DOCK3: variants seen among roughly 807,000 people sequenced by gnomAD.
The protein encoded by DOCK3 is dedicator of cytokinesis protein 3.
Under a neutral mutation model 265.6 loss-of-function variants are expected in DOCK3, and 60 were observed. That is an observed-to-expected ratio of 0.23 (90% CI 0.18 to 0.28). DOCK3 has a LOEUF of 0.28. Ranked by LOEUF, DOCK3 falls within the 10% of genes least tolerant of loss-of-function variation. DOCK3 has a pLI of 1.00. For synonymous variants in DOCK3, 881 were observed against 938.0 expected (o/e 0.94, Z 1.11); for missense variants, 1,981 against 2,594.3 (o/e 0.76, Z 5.14).
chr3:51,118,733 T>C (rs1387891226), intron 9 of DOCK3, among the ~76,000 whole-genome samples: 8 of 152,146 alleles, frequency 5.3e-5, no homozygotes, highest in Non-Finnish European at 7.4e-5. Context: ...TGTCTTTTTT[T>C]TATCTTTGTT....
At chr3:51,086,790 T>A (rs2082443898) in intron 7 of DOCK3, among the ~76,000 whole-genome samples, 1 of 152,032 alleles carries the variant, frequency 6.6e-6, no homozygotes, top group South Asian at 2.1e-4. Context: ...AGAGTGAGAC[T>A]CATCCCAAAA....
At position 50,950,958 on chromosome 3, in the gene DOCK3, ATC is replaced by A. The variant is rs35552377; in HGVS notation, c.315+16898_315+16899del. Among the ~76,000 whole-genome samples, 41 of 149,918 alleles carry A rather than the reference ATC, an allele frequency of 2.7e-4. 1 individual carries two copies. Among genetic ancestry groups the A allele is most frequent in the Middle Eastern group, 3.5e-3 (1 of 286 alleles). ...TCCAATCTCCAAAAGAACGGAGGGA[ATC>A]TCTCTCTCTCTCTCTCCTGTGATAT... On this transcript the variant is annotated intron_variant, in intron 5 of 52. Transcript: ENST00000266037.
chr3:51,120,272 T>A (rs1223658918), intron 9 of DOCK3, among the ~76,000 whole-genome samples: 5 of 152,212 alleles, frequency 3.3e-5, no homozygotes, highest in Middle Eastern at 3.2e-3. Flanking sequence ...CCAGATCCTG[T>A]TTGCCTGGGT....
intron 23 of DOCK3, 53 bp downstream of exon 23, chr3:51,260,379 G>A (rs1483323384): frequency 2.0e-6 from 3 of 1,532,384 alleles, no homozygotes. Flanking sequence ...CTCAGTGGGT[G>A]GTTTCTTTGT....
At chr3:50,972,004 C>T (rs9879725) in intron 5 of DOCK3, among the ~76,000 whole-genome samples, 14,316 of 152,264 alleles carry the variant, frequency 0.094, 833 homozygotes, top group East Asian at 0.24. Flanking sequence ...GTCCAGTGCT[C>T]GGAACACTCA....
intron 5 of DOCK3, among the ~76,000 whole-genome samples, chr3:50,947,577 A>G (rs942353767): frequency 1.3e-5 from 2 of 152,178 alleles, no homozygotes; most frequent in African/African-American, 4.8e-5. Flanking sequence ...CACAAATCCT[A>G]TTCTAGGCTC....
At position 50,911,703 on chromosome 3, in the gene DOCK3, T is replaced by TGA. The variant is rs4028309; in HGVS notation, c.218+21641_218+21642dup. ...TTCTGTGAAGAACATAATTGTTTTT[T>TGA]GAGAGAGAGAGAGAGAGAGAAAGAA... On this transcript the variant is annotated intron_variant, in intron 4 of 52. Coordinates refer to ENST00000266037, the MANE Select transcript of DOCK3 (RefSeq NM_004947.5). 4.6e-4 allele frequency among the ~76,000 whole-genome samples: 69 copies of TGA among 150,100 alleles called. 1 individual carries two copies. Among genetic ancestry groups the TGA allele is most frequent in the Admixed American group, 1.5e-3 (23 of 15,064 alleles).
Position 50,841,662 on chromosome 3 carries a change from T to C in DOCK3, c.122-13T>C. 7.6e-7 allele frequency: 1 copy of C among 1,308,392 alleles called. No homozygotes were observed. The highest frequency in any genetic ancestry group is 2.0e-5 in the South Asian group (1 of 49,684). The allele number at this position is 1,308,392 out of a possible 1,614,324, so 81.0% of individuals were successfully genotyped here. ...ACATTGTGATTTTAATATTCTCTTA[T>C]GCTTTGTTTTAGGTTGGTACAGAGG... On this transcript the variant is annotated splice_polypyrimidine_tract_variant and intron_variant, in intron 2 of 52. Transcript: ENST00000266037.
chr3:51,020,421 T>C (rs1358526098), intron 5 of DOCK3, among the ~76,000 whole-genome samples: 1 of 151,918 alleles, frequency 6.6e-6, no homozygotes, highest in Non-Finnish European at 1.5e-5. Flanking sequence ...CTGTAGGTTG[T>C]CTGTTTACTC....
intron 9 of DOCK3, among the ~76,000 whole-genome samples, chr3:51,102,093 G>T (rs2083110639): frequency 6.6e-6 from 1 of 152,202 alleles, no homozygotes. Context: ...GTGGTACTTG[G>T]AGAAACAGCT....
At chr3:51,280,311 G>T in intron 27 of DOCK3, 107 bp downstream of exon 27, 1 of 1,051,022 alleles carries the variant, frequency 9.5e-7, no homozygotes, top group Non-Finnish European at 1.4e-6. Context: ...GCATTGCCAC[G>T]GGTGTAGGAT....
chr3:50,779,189 T>G (rs1229653808), intron 2 of DOCK3, among the ~76,000 whole-genome samples: 1 of 152,218 alleles, frequency 6.6e-6, no homozygotes, highest in African/African-American at 2.4e-5. Context: ...TGCTATCAAA[T>G]ACTAGATCTT....
intron 19 of DOCK3, 28 bp from the exon 20 acceptor site, chr3:51,236,317 G>A: frequency 1.3e-6 from 2 of 1,570,290 alleles, no homozygotes; most frequent in Non-Finnish European, 1.8e-6. Flanking sequence ...CCTGAGACCT[G>A]AGCCCTCTGC....
At chr3:50,771,445 A>G (rs2041267489) in intron 1 of DOCK3, among the ~76,000 whole-genome samples, 1 of 152,214 alleles carries the variant, frequency 6.6e-6, no homozygotes, top group African/African-American at 2.4e-5. Flanking sequence ...GACAGACAAT[A>G]ACAAGTGCTG....
At chr3:50,716,476 G>A (rs780891277) in intron 1 of DOCK3, among the ~76,000 whole-genome samples, 11 of 151,776 alleles carry the variant, frequency 7.2e-5, no homozygotes, top group Middle Eastern at 6.8e-3. Flanking sequence ...TGCAGTGAGC[G>A]GAGATCACGC....
At position 51,356,101 on chromosome 3, in the gene DOCK3, A is replaced by G. The variant is rs200661080; in HGVS notation, c.4262A>G (p.Tyr1421Cys). Reference protein sequence around the residue: ...LQCDAQYLQIYAVTPIPDYVD... With the variant: ...LQCDAQYLQICAVTPIPDYVD... ...ACTTCCTGCCCAGACTTGCAGATCT[A>G]TGCAGTGACGCCCATTCCAGATTAT... The change falls in exon 42 of 53, where the codon TAT becomes TGT. Residue 1421 changes from tyrosine to cysteine, a missense_variant. This residue lies in a region of DOCK3 where 1,357 missense variants were observed against 1,866.8 expected (regional missense o/e 0.73). Transcript: ENST00000266037. 5.0e-6 allele frequency: 8 copies of G among 1,613,932 alleles called. No homozygotes were observed. Among genetic ancestry groups the G allele is most frequent in the Non-Finnish European group, 6.8e-6 (8 of 1,179,862 alleles).
chr3:51,257,727 G>A (rs2079627240), intron 22 of DOCK3, among the ~76,000 whole-genome samples: 1 of 152,156 alleles, frequency 6.6e-6, no homozygotes, highest in Non-Finnish European at 1.5e-5. Context: ...AACAAAAATG[G>A]ACAGGGCAGC....
chr3:51,120,429 A>C (rs1354636168), intron 9 of DOCK3, among the ~76,000 whole-genome samples: 1 of 152,170 alleles, frequency 6.6e-6, no homozygotes, highest in Non-Finnish European at 1.5e-5. Flanking sequence ...TCTCCCTGTC[A>C]GGAGGCACGG....
At chr3:51,109,992 G>A (rs944513816) in intron 9 of DOCK3, among the ~76,000 whole-genome samples, 14 of 151,732 alleles carry the variant, frequency 9.2e-5, no homozygotes, top group East Asian at 7.7e-4. Context: ...ACCACTCACC[G>A]CATAGAAATA....
Sources: allele counts gnomAD v4.1 joint callset (sites outside exome capture counted in the v4.1 genomes callset), GRCh38; gene constraint gnomAD v4.1.1; regional missense constraint gnomAD v4.1.1; transcripts MANE v1.5; gene names NCBI Gene and HGNC (gene_info 2026-07-23, HGNC 2026-07-21).